AGK: variants seen among roughly 807,000 people sequenced by gnomAD.
The protein encoded by AGK is acylglycerol kinase, mitochondrial.
AGK carries 52 observed loss-of-function variants against 66.4 expected under a neutral mutation model. That is an observed-to-expected ratio of 0.78 (90% CI 0.63 to 0.99). The LOEUF (loss-of-function observed/expected upper bound fraction) is 0.99, where lower values mean the gene tolerates loss of function less well. Ranked by LOEUF, AGK falls within the 50% of genes least tolerant of loss-of-function variation. The pLI is 0.00. For missense variants in AGK, 451 were observed against 506.6 expected (o/e 0.89, Z 1.05); for synonymous variants, 182 against 181.1 (o/e 1.00, Z -0.04).
At chr7:141,585,652 A>G (rs577426348) in intron 2 of AGK, among the ~76,000 whole-genome samples, 113 of 152,324 alleles carry the variant, frequency 7.4e-4, no homozygotes, top group Non-Finnish European at 1.4e-3. Context: ...TCTCCATGTA[A>G]AGTTGCTATT....
intron 14 of AGK, chr7:141,650,615 A>T: frequency 1.0e-6 from 1 of 985,464 alleles, no homozygotes; most frequent in Non-Finnish European, 1.2e-6. Flanking sequence ...ATTAGCTTTT[A>T]CTGTATTTCC....
chr7:141,585,891 C>G (rs372359129), intron 2 of AGK, among the ~76,000 whole-genome samples: 1 of 152,104 alleles, frequency 6.6e-6, no homozygotes, highest in East Asian at 1.9e-4. Flanking sequence ...CTGCAGGGAC[C>G]CTTTTTGATA....
chr7:141,633,995 T>C lies in AGK; in HGVS notation c.668+15T>C, dbSNP rs1484709232. 14 of 1,599,390 alleles carry C rather than the reference T, an allele frequency of 8.8e-6. No homozygotes were observed. The South Asian group carries it at 1.1e-4, about 13-fold the overall frequency. On this transcript the variant is annotated intron_variant, in intron 10 of 15. Transcript: ENST00000649286. The stretch of plus-strand genomic sequence containing the variant: ...AAAGTTAGCAAGTAAAGGATTACTA[T>C]ATTGATGTGTGATGTTTTTTAAAAA...
intron 9 of AGK, among the ~76,000 whole-genome samples, chr7:141,631,410 A>G (rs1170713239): frequency 6.6e-6 from 1 of 152,152 alleles, no homozygotes; most frequent in Non-Finnish European, 1.5e-5. Flanking sequence ...CATTTTATAG[A>G]TCTGTAGTGG....
chr7:141,634,731 G>A (rs1447737321), intron 10 of AGK, among the ~76,000 whole-genome samples: 1 of 151,966 alleles, frequency 6.6e-6, no homozygotes, highest in Admixed American at 6.5e-5. Flanking sequence ...TCTTAAAATC[G>A]AGGGCTTACA....
intron 5 of AGK, among the ~76,000 whole-genome samples, chr7:141,602,072 C>T (rs1176715861): frequency 1.3e-5 from 2 of 152,044 alleles, no homozygotes; most frequent in African/African-American, 4.8e-5. Flanking sequence ...ATGAGAGACC[C>T]AAGTATGGTT....
At position 141,591,659 on chromosome 7, in the gene AGK, T is replaced by TA. The variant is rs148157463; in HGVS notation, c.102-1480dup. 5.4e-4 allele frequency among the ~76,000 whole-genome samples: 82 copies of TA among 152,318 alleles called. 1 individual carries two copies. The highest frequency in any genetic ancestry group is 8.7e-4 in the Non-Finnish European group (59 of 68,022). Reference sequence around the variant, plus strand: ...GCAAAATTTAAAGTTTTCAATGTTATAAAAAAAGTCTAGAAAGAGAATATA... The same window carrying TA: ...GCAAAATTTAAAGTTTTCAATGTTATAAAAAAAAGTCTAGAAAGAGAATATA... On this transcript the variant is annotated intron_variant, in intron 2 of 15. Coordinates refer to ENST00000649286, the MANE Select transcript of AGK (RefSeq NM_018238.4).
chr7:141,613,465 A>C (rs531965773), intron 6 of AGK, among the ~76,000 whole-genome samples: 1 of 152,216 alleles, frequency 6.6e-6, no homozygotes, highest in South Asian at 2.1e-4. Context: ...CTAAAAGTAC[A>C]AAAATTAGCA....
chr7:141,619,951 C>A (rs978179542), intron 8 of AGK, among the ~76,000 whole-genome samples: 5 of 152,284 alleles, frequency 3.3e-5, no homozygotes, highest in African/African-American at 1.2e-4. Flanking sequence ...TGTCCATCAA[C>A]TGATGAATGG....
chr7:141,583,283 T>C (rs1198475305), intron 2 of AGK, among the ~76,000 whole-genome samples: 3 of 150,650 alleles, frequency 2.0e-5, no homozygotes, highest in Non-Finnish European at 2.9e-5. Flanking sequence ...GAAGGAGGAA[T>C]GGAGGGTGGA....
At chr7:141,556,588 A>G (rs953239749) in intron 2 of AGK, among the ~76,000 whole-genome samples, 5 of 151,802 alleles carry the variant, frequency 3.3e-5, no homozygotes, top group Middle Eastern at 3.4e-3. Context: ...TGCCCCAAGC[A>G]GTTCCCAGCT....
intron 15 of AGK, 55 bp downstream of exon 15, chr7:141,651,664 G>GC: frequency 6.6e-7 from 1 of 1,510,130 alleles, no homozygotes; most frequent in Non-Finnish European, 9.2e-7. Context: ...TCATCGGCCT[G>GC]CCCCTCTGTG....
At chr7:141,588,278 A>G (rs1796033837) in intron 2 of AGK, among the ~76,000 whole-genome samples, 1 of 152,310 alleles carries the variant, frequency 6.6e-6, no homozygotes, top group South Asian at 2.1e-4. Flanking sequence ...GGGTTCTTAG[A>G]TCTTGCACAA....
chr7:141,635,509 T>C (rs1027296279), intron 10 of AGK, among the ~76,000 whole-genome samples: 1 of 152,204 alleles, frequency 6.6e-6, no homozygotes, highest in African/African-American at 2.4e-5. Flanking sequence ...GCCTCATTAG[T>C]AGTAGCACAG....
Position 141,636,971 on chromosome 7 carries a change from T to C in AGK, c.680T>C (p.Leu227Pro). Reference protein sequence around the residue: ...AGVKVSKYWYLGPLKIKAAHF... With the variant: ...AGVKVSKYWYPGPLKIKAAHF... ...TGGTCTTTTCACAGGTACTGGTATC[T>C]TGGGCCTCTAAAAATCAAAGCAGCC... The change falls in exon 11 of 16, where the codon CTT becomes CCT. Residue 227 changes from leucine (L) to proline (P), a missense_variant. Coordinates refer to ENST00000649286, the MANE Select transcript of AGK (RefSeq NM_018238.4). The C allele has an allele frequency of 6.2e-7, 1 of 1,612,696 alleles. No individual in the cohort carries two copies. The highest frequency in any genetic ancestry group is 1.1e-5 in the South Asian group (1 of 90,956).
At chr7:141,587,958 T>G (rs1439944171) in intron 2 of AGK, among the ~76,000 whole-genome samples, 1 of 152,238 alleles carries the variant, frequency 6.6e-6, no homozygotes, top group Non-Finnish European at 1.5e-5. Flanking sequence ...CACTTGATCC[T>G]AAGCTTCTTC....
intron 2 of AGK, among the ~76,000 whole-genome samples, chr7:141,584,273 G>A (rs540683351): frequency 7.9e-5 from 12 of 152,230 alleles, no homozygotes; most frequent in African/African-American, 2.9e-4. Context: ...GAGCTTTTGA[G>A]CCAAGATGAG....
At chr7:141,638,399 G>A (rs1407487666) in intron 11 of AGK, among the ~76,000 whole-genome samples, 1 of 152,160 alleles carries the variant, frequency 6.6e-6, no homozygotes, top group African/African-American at 2.4e-5. Flanking sequence ...GGTTAGGTAA[G>A]GGCAGGTTAT....
intron 6 of AGK, among the ~76,000 whole-genome samples, chr7:141,612,192 A>C (rs946839831): frequency 6.6e-6 from 1 of 152,202 alleles, no homozygotes; most frequent in Non-Finnish European, 1.5e-5. Context: ...GGAAACCTAA[A>C]TGTATGTTAC....
Sources: gnomAD v4.1 joint callset for allele counts (sites outside exome capture counted in the v4.1 genomes callset) on GRCh38, gnomAD v4.1.1 for gene constraint, MANE v1.5 for transcripts, NCBI Gene and HGNC (gene_info 2026-07-23, HGNC 2026-07-21) for gene names.